MYRIP: variants seen among roughly 807,000 people sequenced by gnomAD.
MYRIP encodes the protein myosin VIIA and Rab interacting protein.
Under a neutral mutation model 98.0 loss-of-function variants are expected in MYRIP, and 49 were observed. The ratio of observed to expected loss-of-function variants is 0.50; its 90% CI spans 0.40 to 0.63. The LOEUF (loss-of-function observed/expected upper bound fraction) is 0.63, where lower values mean the gene tolerates loss of function less well. Among genes scored for constraint, MYRIP ranks in the 30% least tolerant of loss-of-function variants. The probability of loss-of-function intolerance (pLI) is 0.00; values close to 1 mark genes in which losing one functional copy is unlikely to be tolerated. For missense variants in MYRIP, 1,004 were observed against 1,058.2 expected (o/e 0.95, Z 0.71); for synonymous variants, 404 against 409.5 (o/e 0.99, Z 0.16).
intron 3 of MYRIP, among the ~76,000 whole-genome samples, chr3:40,046,679 T>G (rs1947675284): frequency 6.6e-6 from 1 of 151,252 alleles, no homozygotes; most frequent in Admixed American, 6.6e-5. Context: ...AGCAGACCGC[T>G]ATTGAAGCGG....
intron 10 of MYRIP, among the ~76,000 whole-genome samples, chr3:40,194,890 T>C (rs1951346146): frequency 6.6e-6 from 1 of 152,242 alleles, no homozygotes; most frequent in Non-Finnish European, 1.5e-5. Context: ...ATTTCATGTT[T>C]ACATTTTATA....
At chr3:40,164,960 T>C (rs1379362452) in intron 5 of MYRIP, among the ~76,000 whole-genome samples, 1 of 152,238 alleles carries the variant, frequency 6.6e-6, no homozygotes, top group Non-Finnish European at 1.5e-5. Flanking sequence ...ACTCAGTTTG[T>C]CCATCAGGTT....
intron 3 of MYRIP, among the ~76,000 whole-genome samples, chr3:40,113,284 C>T (rs1482681183): frequency 1.3e-5 from 2 of 152,158 alleles, no homozygotes; most frequent in Non-Finnish European, 2.9e-5. Flanking sequence ...TCTGGGATTA[C>T]AGGCACCCGC....
chr3:39,826,307 G>C (rs13086375), intron 1 of MYRIP, among the ~76,000 whole-genome samples: 3 of 151,726 alleles, frequency 2.0e-5, no homozygotes, highest in African/African-American at 7.2e-5. Flanking sequence ...TTATTGCTAT[G>C]AACTTGAGTC....
intron 2 of MYRIP, among the ~76,000 whole-genome samples, chr3:39,969,717 T>C (rs1401610071): frequency 6.6e-6 from 1 of 152,128 alleles, no homozygotes; most frequent in Non-Finnish European, 1.5e-5. Flanking sequence ...TGCTGGATTC[T>C]GTTTGCAGGT....
chr3:40,005,479 A>G (rs925702046), intron 2 of MYRIP, among the ~76,000 whole-genome samples: 2 of 152,246 alleles, frequency 1.3e-5, no homozygotes, highest in South Asian at 4.1e-4. Flanking sequence ...CACTTGTTCC[A>G]AGGTAAAAGT....
At chr3:40,160,475 G>A (rs1229636901) in intron 4 of MYRIP, among the ~76,000 whole-genome samples, 2 of 152,200 alleles carry the variant, frequency 1.3e-5, no homozygotes, top group South Asian at 2.1e-4. Flanking sequence ...CCCAGAGGTG[G>A]AGCCTACAGA....
At chr3:39,903,871 C>T (rs1442329272) in intron 2 of MYRIP, among the ~76,000 whole-genome samples, 1 of 152,170 alleles carries the variant, frequency 6.6e-6, no homozygotes, top group Non-Finnish European at 1.5e-5. Context: ...ACTCTCCCTC[C>T]CTCCTTAAAA....
At chr3:40,220,170 T>G (rs1446606636) in intron 11 of MYRIP, among the ~76,000 whole-genome samples, 27 of 152,050 alleles carry the variant, frequency 1.8e-4, no homozygotes, top group Admixed American at 1.5e-3. Flanking sequence ...TCGCCCACTT[T>G]TTGATGGGGT....
intron 2 of MYRIP, among the ~76,000 whole-genome samples, chr3:39,918,210 G>A (rs376711078): frequency 2.0e-5 from 3 of 152,120 alleles, no homozygotes; most frequent in South Asian, 2.1e-4. Flanking sequence ...CACCGCGCCC[G>A]GCCCTGACTT....
intron 1 of MYRIP, among the ~76,000 whole-genome samples, chr3:39,816,722 G>A (rs866935690): frequency 2.6e-5 from 4 of 152,106 alleles, no homozygotes; most frequent in Middle Eastern, 3.2e-3. Flanking sequence ...ATTAAACTAA[G>A]TGTGTTAATA....
chr3:40,102,049 C>G (rs76126665), intron 3 of MYRIP, among the ~76,000 whole-genome samples: 10,257 of 152,182 alleles, frequency 0.067, 418 homozygotes, highest in East Asian at 0.22. Flanking sequence ...GCTCCAGTCT[C>G]CTACTGGGGA....
intron 2 of MYRIP, among the ~76,000 whole-genome samples, chr3:39,957,846 T>C (rs1945208321): frequency 6.6e-6 from 1 of 152,146 alleles, no homozygotes; most frequent in Admixed American, 6.5e-5. Context: ...GGATACAAAA[T>C]CAATGTGCAA....
intron 2 of MYRIP, among the ~76,000 whole-genome samples, chr3:39,967,596 C>T (rs1347070185): frequency 6.6e-6 from 1 of 152,046 alleles, no homozygotes; most frequent in Non-Finnish European, 1.5e-5. Context: ...TGAGTATATA[C>T]CCAGTAATGA....
chr3:39,900,859 A>G lies in MYRIP; in HGVS notation c.43A>G (p.Thr15Ala). Residue 15 changes from threonine (T) to alanine (A), a missense_variant, in exon 2 of 17, where the codon ACA (threonine) becomes GCA (alanine). Coordinates refer to ENST00000302541, the MANE Select transcript of MYRIP (RefSeq NM_015460.4). The part of the protein sequence containing the change: ...LDLSGLTDDE[T>A]EHVLQVVQRD... ...CCTGTCTGGTTTGACTGATGATGAA[A>G]CAGAGCATGTTCTTCAGGTGGTTCA... The G allele has an allele frequency of 6.2e-7, 1 of 1,613,974 alleles. No homozygotes were observed. Among genetic ancestry groups the G allele is most frequent in the Non-Finnish European group, 8.5e-7 (1 of 1,180,016 alleles).
intron 3 of MYRIP, among the ~76,000 whole-genome samples, chr3:40,070,083 A>G (rs1948194523): frequency 1.3e-5 from 2 of 152,222 alleles, no homozygotes; most frequent in South Asian, 4.1e-4. Flanking sequence ...TGTGAATGAC[A>G]CAATTTCAGA....
intron 2 of MYRIP, among the ~76,000 whole-genome samples, chr3:39,914,976 A>G (rs1330990421): frequency 6.6e-6 from 1 of 152,080 alleles, no homozygotes; most frequent in Non-Finnish European, 1.5e-5. Flanking sequence ...TACCACCATC[A>G]CAAGAATGCA....
At chr3:39,944,241 A>G (rs1026212002) in intron 2 of MYRIP, among the ~76,000 whole-genome samples, 3 of 152,180 alleles carry the variant, frequency 2.0e-5, no homozygotes, top group African/African-American at 7.2e-5. Flanking sequence ...CTACAGATGT[A>G]CTTCACAGAT....
rs557429293 is a variant in MYRIP at position 39,811,353 on chromosome 3, A to G, written c.-31+1437A>G. ...AGTTCATAGGATATGATAAATGTGAAAATGCACTGGGGTTTTATTAAAAAG... is the reference window on the plus strand; with the variant it reads ...AGTTCATAGGATATGATAAATGTGAGAATGCACTGGGGTTTTATTAAAAAG... On this transcript the variant is annotated intron_variant, in intron 1 of 16. Transcript: ENST00000302541. Among the ~76,000 whole-genome samples, 52 of 152,312 alleles carry G rather than the reference A, an allele frequency of 3.4e-4. 1 individual carries two copies. The South Asian group carries it at 0.01, about 30-fold the overall frequency.
Sources: allele counts gnomAD v4.1 joint callset (sites outside exome capture counted in the v4.1 genomes callset), GRCh38; gene constraint gnomAD v4.1.1; transcripts MANE v1.5; gene names NCBI Gene and HGNC (gene_info 2026-07-23, HGNC 2026-07-21).